RNF185: variants seen among roughly 807,000 people sequenced by gnomAD.
RNF185 encodes E3 ubiquitin-protein ligase RNF185.
Under a neutral mutation model 24.9 loss-of-function variants are expected in RNF185, and 13 were observed. That is an observed-to-expected ratio of 0.52 (90% confidence interval 0.34 to 0.83). The LOEUF (loss-of-function observed/expected upper bound fraction) is 0.83. Ranked by LOEUF, RNF185 falls within the 40% of genes least tolerant of loss-of-function variation. RNF185 has a pLI of 0.01. For synonymous variants in RNF185, 79 were observed against 90.3 expected (o/e 0.88, Z 0.71); for missense variants, 184 against 244.7 (o/e 0.75, Z 1.65).
rs181150605 is a variant in RNF185 at position 31,163,104 on chromosome 22, T to G, written c.-49+2801T>G. On this transcript the variant is annotated intron_variant, in intron 1 of 6. Transcript: ENST00000326132. ...TAAATGATGGGAAATAAAAGAAGAATAATATTACATAGGTGACAATTACAG... is the reference window on the plus strand; with the variant it reads ...TAAATGATGGGAAATAAAAGAAGAAGAATATTACATAGGTGACAATTACAG... 1.1e-3 allele frequency among the ~76,000 whole-genome samples: 172 copies of G among 152,296 alleles called. 1 individual carries two copies. Among genetic ancestry groups the G allele is most frequent in the African/African-American group, 4.0e-3 (165 of 41,564 alleles).
At chr22:31,172,998 G>A (rs1020884844) in intron 1 of RNF185, among the ~76,000 whole-genome samples, 3 of 152,054 alleles carry the variant, frequency 2.0e-5, no homozygotes, top group African/African-American at 4.8e-5. Flanking sequence ...TTCCTCAGCT[G>A]TATTGGTTTG....
intron 1 of RNF185, among the ~76,000 whole-genome samples, chr22:31,173,493 G>A (rs1490039065): frequency 6.6e-6 from 1 of 151,716 alleles, no homozygotes. Context: ...GCTGAGTAAG[G>A]AACCTGGAAG....
intron 1 of RNF185, among the ~76,000 whole-genome samples, chr22:31,164,502 G>A (rs1923783583): frequency 6.6e-6 from 1 of 151,610 alleles, no homozygotes; most frequent in African/African-American, 2.4e-5. Flanking sequence ...TCTGTTCCAG[G>A]ACCCAATCCT....
chr22:31,191,744 A>G (rs1378324892), intron 2 of RNF185, among the ~76,000 whole-genome samples: 1 of 150,774 alleles, frequency 6.6e-6, no homozygotes, highest in Non-Finnish European at 1.5e-5. Context: ...AGACAGGAGA[A>G]TCGCTTGAAC....
intron 5 of RNF185, 85 bp downstream of exon 5, chr22:31,197,075 A>G (rs2048213080): frequency 1.3e-6 from 2 of 1,569,470 alleles, no homozygotes; most frequent in African/African-American, 2.7e-5. Context: ...TTTCTCCTTG[A>G]TTATAAAAGT....
intron 1 of RNF185, among the ~76,000 whole-genome samples, chr22:31,167,344 T>C (rs916234613): frequency 7.2e-5 from 11 of 152,122 alleles, no homozygotes; most frequent in Non-Finnish European, 1.3e-4. Context: ...ATTTTAATTA[T>C]TTTTAAATGT....
intron 1 of RNF185, among the ~76,000 whole-genome samples, chr22:31,169,082 T>A (rs1373061494): frequency 6.6e-6 from 1 of 152,094 alleles, no homozygotes; most frequent in Non-Finnish European, 1.5e-5. Context: ...TAATTTGTTT[T>A]GTATTTTTAG....
At chr22:31,189,754 C>CACCACCACA (rs78087718) in intron 2 of RNF185, among the ~76,000 whole-genome samples, 1 of 149,324 alleles carries the variant, frequency 6.7e-6, no homozygotes, top group South Asian at 2.1e-4. Context: ...TACAGGTGCA[C>CACCACCACA]CCAGCTAATT....
At position 31,175,090 on chromosome 22, in the gene RNF185, A is replaced by G. The variant is rs560388785; in HGVS notation, c.-48-11957A>G. Among the ~76,000 whole-genome samples, 150 of 151,542 alleles carry G rather than the reference A, an allele frequency of 9.9e-4. 1 individual carries two copies. Among genetic ancestry groups the G allele is most frequent in the Non-Finnish European group, 1.8e-3 (122 of 67,912 alleles). ...CCGTCTCAAATTAAAAAAAAAAAAA[A>G]AAAGTAGTGGACGAAAATGTGAAAA... is the stretch of plus-strand genomic sequence containing the variant. On this transcript the variant is annotated intron_variant, in intron 1 of 6. Transcript: ENST00000326132.
chr22:31,169,136 T>G (rs1924128082), intron 1 of RNF185, among the ~76,000 whole-genome samples: 1 of 152,128 alleles, frequency 6.6e-6, no homozygotes, highest in Non-Finnish European at 1.5e-5. Context: ...GTCTCAAACT[T>G]CTGACCTCAA....
intron 1 of RNF185, among the ~76,000 whole-genome samples, chr22:31,167,730 C>T (rs1472996348): frequency 6.8e-6 from 1 of 146,702 alleles, no homozygotes; most frequent in Non-Finnish European, 1.5e-5. Flanking sequence ...TATTGTGCTT[C>T]AGCCTCCCAA....
chr22:31,203,158 C>A (rs1239859574), intron 6 of RNF185, among the ~76,000 whole-genome samples: 1 of 152,178 alleles, frequency 6.6e-6, no homozygotes, highest in Non-Finnish European at 1.5e-5. Flanking sequence ...ACTTTATCCC[C>A]CTGCCACAGT....
intron 1 of RNF185, among the ~76,000 whole-genome samples, chr22:31,174,589 G>A (rs2047963197): frequency 6.6e-6 from 1 of 152,016 alleles, no homozygotes; most frequent in African/African-American, 2.4e-5. Flanking sequence ...TATTGTTCAG[G>A]CTAGTTTTGA....
chr22:31,168,304 A>G (rs1281209731), intron 1 of RNF185, among the ~76,000 whole-genome samples: 1 of 152,184 alleles, frequency 6.6e-6, no homozygotes, highest in Non-Finnish European at 1.5e-5. Flanking sequence ...ATGTGTGGGC[A>G]CCACTGCACC....
chr22:31,183,221 C>T (rs1195765887), intron 1 of RNF185, among the ~76,000 whole-genome samples: 1 of 152,226 alleles, frequency 6.6e-6, no homozygotes, highest in South Asian at 2.1e-4. Flanking sequence ...CCATGCCTGG[C>T]TGGTAATTCA....
At chr22:31,180,929 G>C (rs1432788530) in intron 1 of RNF185, among the ~76,000 whole-genome samples, 6 of 150,798 alleles carry the variant, frequency 4.0e-5, no homozygotes, top group Non-Finnish European at 8.9e-5. Flanking sequence ...GTGTGTGTGT[G>C]TGTGTGTGTG....
Position 31,205,821 on chromosome 22 carries a change from C to A in RNF185, c.*1235C>A, listed in dbSNP as rs2048309152. The stretch of plus-strand genomic sequence containing the variant: ...CAGCACAATGATATTGTGTGGTCTT[C>A]CCTCCTGTGGAATCGAGGGGAAATT... On this transcript the variant is annotated 3_prime_UTR_variant, in exon 7 of 7. Coordinates refer to ENST00000326132, the MANE Select transcript of RNF185 (RefSeq NM_152267.4). 3 of 152,360 alleles carry A rather than the reference C, an allele frequency of 2.0e-5. No individual in the cohort carries two copies. The highest frequency in any genetic ancestry group is 7.2e-5 in the African/African-American group (3 of 41,450). The allele number at this position is 152,360 out of a possible 1,614,324, so 9.4% of individuals were successfully genotyped here. A position where few individuals can be genotyped will look rare whatever the true frequency, so the allele number is the denominator to read the frequency against.
At chr22:31,168,930 C>CA (rs1474610999) in intron 1 of RNF185, among the ~76,000 whole-genome samples, 6 of 152,110 alleles carry the variant, frequency 3.9e-5, no homozygotes, top group African/African-American at 1.4e-4. Context: ...TTTTTTGAGA[C>CA]AGAGTCTCTC....
Position 31,163,000 on chromosome 22 carries a change from G to A in RNF185, c.-49+2697G>A, listed in dbSNP as rs371144630. On this transcript the variant is annotated intron_variant, in intron 1 of 6. Transcript: ENST00000326132. ...AGGATGGTCTTGATCTCCTGACCTC[G>A]TGATCTGCCCGCCTCAGCCTCCCAA... Among the ~76,000 whole-genome samples the A allele has an allele frequency of 2.0e-4, 30 of 152,108 alleles. No homozygotes were observed. In the East Asian group the frequency reaches 3.1e-3, roughly 16 times the overall value.
Sources: gnomAD v4.1 joint callset for allele counts (sites outside exome capture counted in the v4.1 genomes callset) on GRCh38, gnomAD v4.1.1 for gene constraint, MANE v1.5 for transcripts, NCBI Gene and HGNC (gene_info 2026-07-23, HGNC 2026-07-21) for gene names.